Variants in CARS1 observed in about 807,000 individuals in gnomAD.
The protein encoded by CARS1 is cysteine--tRNA ligase, cytoplasmic.
In CARS1, 48 loss-of-function variants were observed where a neutral mutation model predicts 106.2. The observed-to-expected ratio is 0.45, with a 90% CI of 0.36 to 0.57. The LOEUF (loss-of-function observed/expected upper bound fraction) is 0.57. Among genes scored for constraint, CARS1 ranks in the 20% least tolerant of loss-of-function variants. CARS1 has a pLI of 0.00. For missense variants in CARS1, 968 were observed against 1,057.2 expected, an observed-to-expected ratio of 0.92 and a Z score of 1.17; for synonymous variants, 409 against 403.4, an observed-to-expected ratio of 1.01 and a Z score of -0.17.
Position 3,012,207 on chromosome 11 carries a change from G to A in CARS1, c.2056C>T (p.Arg686Ter), listed in dbSNP as rs769386228. The change falls in exon 18 of 23, where the codon CGA becomes TGA. Residue 686 changes from arginine (R) to a stop codon, truncating the protein, a stop_gained. Coordinates refer to ENST00000380525, the MANE Select transcript of CARS1 (RefSeq NM_001014437.3). LOFTEE classifies it high-confidence loss of function. ...AACTGGTCCTCACCTTTTTGCTCTCGGGCAATCTTCCGCACTCCTTCTCGG... is the reference window on the plus strand; with the variant it reads ...AACTGGTCCTCACCTTTTTGCTCTCAGGCAATCTTCCGCACTCCTTCTCGG... ...EFREGVRKIA[R>*]EQKVPEILQL... The A allele has an allele frequency of 3.7e-6, 6 of 1,614,004 alleles. No individual in the cohort carries two copies. Among genetic ancestry groups the A allele is most frequent in the Non-Finnish European group, 5.1e-6 (6 of 1,179,966 alleles).
rs111804631 is a variant in CARS1 at position 3,001,843 on chromosome 11, T to C, written c.2361+127A>G. On this transcript the variant is annotated intron_variant, in intron 22 of 22. Transcript: ENST00000380525. ...GGAGGCCCTGGACCTAAAGCGGGTG[T>C]CAGATTTGATTCCAAATTTTCTACA... The C allele has an allele frequency of 2.0e-3, 1,572 of 802,262 alleles. 15 individuals are homozygous for C. The African/African-American group carries it at 0.021, about 11-fold the overall frequency. The allele number at this position is 802,262 out of a possible 1,614,324, so 49.7% of individuals were successfully genotyped here.
chr11:3,011,864 G>A (rs1317853768), intron 18 of CARS1, among the ~76,000 whole-genome samples: 2 of 152,188 alleles, frequency 1.3e-5, no homozygotes, highest in African/African-American at 4.8e-5. Context: ...CTGGTCAGAG[G>A]ACCCACCATT....
Position 3,028,128 on chromosome 11 carries a change from GCC to G in CARS1, c.1031+866_1031+867del. On this transcript the variant is annotated intron_variant, in intron 9 of 22. Transcript: ENST00000380525. The surrounding 1 kb of genome is among the most constrained non-coding windows in gnomAD (Gnocchi z 4.4). ...ATATGCAGAAATAATGGCGTAAGCT[GCC>G]TCTCTCTGTCTCCTCTCTCTCTCTG... The G allele has an allele frequency of 3.3e-6, 1 of 306,016 alleles. No individual in the cohort carries two copies. Among genetic ancestry groups the G allele is most frequent in the Non-Finnish European group, 6.4e-6 (1 of 155,444 alleles). 19.0% of individuals were successfully genotyped at this position (306,016 alleles called of 1,614,324 possible). A position where few individuals can be genotyped will look rare whatever the true frequency, so the allele number is the denominator to read the frequency against.
intron 18 of CARS1, chr11:3,009,130 A>G (rs1278611938): frequency 6.6e-6 from 1 of 152,336 alleles, no homozygotes; most frequent in East Asian, 1.9e-4. Flanking sequence ...GGAGCAGACA[A>G]TGACATCATC....
Position 3,028,914 on chromosome 11 carries a change from A to G in CARS1, c.1031+82T>C, listed in dbSNP as rs1038164532. ...AGAACACCTGCTCCTCTGCTTCCCA[A>G]ACTCAGGCTCAGAGCTGGGGAGCTC... On this transcript the variant is annotated intron_variant, in intron 9 of 22. Coordinates refer to ENST00000380525, the MANE Select transcript of CARS1 (RefSeq NM_001014437.3). This position sits in a 1 kb window ranked among gnomAD's most constrained non-coding sequence, Gnocchi z 4.4. 2.7e-5 allele frequency: 26 copies of G among 970,780 alleles called. No homozygotes were observed. The highest frequency in any genetic ancestry group is 3.8e-5 in the Non-Finnish European group (23 of 607,674). 60.1% of individuals were successfully genotyped at this position (970,780 alleles called of 1,614,324 possible). A position where few individuals can be genotyped will look rare whatever the true frequency, so the allele number is the denominator to read the frequency against.
chr11:3,025,556 A>G (rs1851967644), intron 10 of CARS1, among the ~76,000 whole-genome samples: 1 of 152,240 alleles, frequency 6.6e-6, no homozygotes, highest in Non-Finnish European at 1.5e-5. Context: ...TTTAGAATAG[A>G]GCCTAAAATT....
chr11:3,032,962 G>C (rs893519847), intron 7 of CARS1, among the ~76,000 whole-genome samples: 1 of 151,730 alleles, frequency 6.6e-6, no homozygotes, highest in African/African-American at 2.4e-5. Context: ...TGGTGGGTGC[G>C]GATGCTGGGG....
intron 7 of CARS1, among the ~76,000 whole-genome samples, chr11:3,032,146 C>G (rs1159386708): frequency 1.3e-5 from 2 of 150,452 alleles, no homozygotes; most frequent in Non-Finnish European, 3.0e-5. Flanking sequence ...AATCTCAGCT[C>G]ACTGCAACCT....
Position 3,039,790 on chromosome 11 carries a change from A to G in CARS1, c.552+45T>C, listed in dbSNP as rs1854180385. 2.0e-6 allele frequency: 2 copies of G among 978,470 alleles called. No homozygotes were observed. The highest frequency in any genetic ancestry group is 3.1e-6 in the Non-Finnish European group (2 of 640,900). 60.6% of individuals were successfully genotyped at this position (978,470 alleles called of 1,614,324 possible). Reference sequence around the variant, plus strand: ...ATGCGAAAGTTCTATCTTCTTTTACACCATCCAATTGCATTTAAAATTTAA... The same window carrying G: ...ATGCGAAAGTTCTATCTTCTTTTACGCCATCCAATTGCATTTAAAATTTAA... On this transcript the variant is annotated intron_variant, in intron 5 of 22. Coordinates refer to ENST00000380525, the MANE Select transcript of CARS1 (RefSeq NM_001014437.3). This position sits in a 1 kb window ranked among gnomAD's most constrained non-coding sequence, Gnocchi z 5.6.
At chr11:3,015,161 T>G (rs1165728372) in intron 17 of CARS1, among the ~76,000 whole-genome samples, 1 of 151,900 alleles carries the variant, frequency 6.6e-6, no homozygotes, top group African/African-American at 2.4e-5. Flanking sequence ...ACTGCCAGGG[T>G]GTTCTGGATG....
In CARS1 at chr11:3,005,359, T is replaced by C; in HGVS notation, c.2217+7A>G. On this transcript the variant is annotated splice_region_variant and intron_variant, in intron 20 of 22. Transcript: ENST00000380525. Reference sequence around the variant, plus strand: ...TATCACGCTTAAGTCATTTTCACTTTACTCACCCGTCTCTTTTCTTCTCTC... The same window carrying C: ...TATCACGCTTAAGTCATTTTCACTTCACTCACCCGTCTCTTTTCTTCTCTC... The C allele has an allele frequency of 6.2e-7, 1 of 1,603,750 alleles. No homozygotes were observed.
At chr11:3,032,951 CT>C (rs1396442958) in intron 7 of CARS1, among the ~76,000 whole-genome samples, 1 of 151,624 alleles carries the variant, frequency 6.6e-6, no homozygotes, top group Non-Finnish European at 1.5e-5. Context: ...AACGTACCCC[CT>C]GGTGGGTGCG....
Position 3,002,041 on chromosome 11 carries a change from C to G in CARS1, c.2290G>C (p.Ala764Pro). Residue 764 changes from alanine to proline, a missense_variant, in exon 22 of 23, where the codon GCC becomes CCC. Physicochemically the swap from Ala to Pro is conservative, Grantham distance 27 (BLOSUM62 -1). Coordinates refer to ENST00000380525, the MANE Select transcript of CARS1 (RefSeq NM_001014437.3). Reference sequence around the variant, plus strand: ...TCACTGGGGGGAATCTTCATCTTGGCCAGCTTTGCTGCCTAGAACACGCAA... The same window carrying G: ...TCACTGGGGGGAATCTTCATCTTGGGCAGCTTTGCTGCCTAGAACACGCAA... ...RKQEQEAAKLAKMKIPPSEMF... is the reference protein window; with the variant it reads ...RKQEQEAAKLPKMKIPPSEMF... 1 of 1,613,286 alleles carries G rather than the reference C, an allele frequency of 6.2e-7. No homozygotes were observed. The highest frequency in any genetic ancestry group is 8.5e-7 in the Non-Finnish European group (1 of 1,179,410).
rs1472067793 is a variant in CARS1 at position 3,043,924 on chromosome 11, G to C, written c.275-1668C>G. 6.6e-6 allele frequency among the ~76,000 whole-genome samples: 1 copy of C among 152,166 alleles called. No homozygotes were observed. Among genetic ancestry groups the C allele is most frequent in the Non-Finnish European group, 1.5e-5 (1 of 68,022 alleles). ...AGGTGAGTTCCAGTGGTCACAGGTG[G>C]TCAGATTCTAAAGCGTAGGCAATCT... On this transcript the variant is annotated intron_variant, in intron 2 of 22. Transcript: ENST00000380525. The surrounding 1 kb of genome is among the most constrained non-coding windows in gnomAD (Gnocchi z 4.0).
In CARS1 at chr11:3,043,345, TGGTGACTTTCCC is replaced by T. The variant is rs1035956435; in HGVS notation, c.275-1101_275-1090del. ...AAAGCTAGGTGTGGAGGACGGTACCTGGTGACTTTCCCGTTGCCCTCAGCCGGCTCCTGCCTG... is the reference window on the plus strand; with the variant it reads ...AAAGCTAGGTGTGGAGGACGGTACCTGTTGCCCTCAGCCGGCTCCTGCCTG... On this transcript the variant is annotated intron_variant, in intron 2 of 22. Transcript: ENST00000380525. This position sits in a 1 kb window ranked among gnomAD's most constrained non-coding sequence, Gnocchi z 4.0. 3.9e-5 allele frequency among the ~76,000 whole-genome samples: 6 copies of T among 151,996 alleles called. No homozygotes were observed. The highest frequency in any genetic ancestry group is 7.4e-5 in the Non-Finnish European group (5 of 67,976).
At chr11:3,032,343 G>A (rs2134212573) in intron 7 of CARS1, among the ~76,000 whole-genome samples, 1 of 152,122 alleles carries the variant, frequency 6.6e-6, no homozygotes, top group Non-Finnish European at 1.5e-5. Context: ...AGTGCTGGGA[G>A]TTCAGGCGTG....
rs929770275 is a variant in CARS1 at position 3,012,128 on chromosome 11, G to A, written c.2068+67C>T. 6 of 1,402,916 alleles carry A rather than the reference G, an allele frequency of 4.3e-6. No homozygotes were observed. The Middle Eastern group carries it at 5.5e-4, about 127-fold the overall frequency. The allele number at this position is 1,402,916 out of a possible 1,614,324, so 86.9% of individuals were successfully genotyped here. ...CTGAACGCCATAGTGCCTCGGGGGA[G>A]ACGCCCGGTCCGGGGAGCCCAGTGA... On this transcript the variant is annotated intron_variant, in intron 18 of 22. Transcript: ENST00000380525.
chr11:3,005,685 T>G (rs778638368), intron 19 of CARS1, among the ~76,000 whole-genome samples: 33 of 145,992 alleles, frequency 2.3e-4, no homozygotes, highest in Non-Finnish European at 3.7e-4. Flanking sequence ...CAGGCTGGAG[T>G]GCAGTGGCAC....
chr11:3,003,344 G>GCT lies in CARS1; in HGVS notation c.2218-746_2218-745dup, dbSNP rs1374418986. Among the ~76,000 whole-genome samples the GCT allele has an allele frequency of 7.2e-5, 11 of 152,220 alleles. No individual in the cohort carries two copies. The highest frequency in any genetic ancestry group is 3.3e-4 in the Admixed American group (5 of 15,284). ...TTCAGATGCTTCCCAGCCCAGTGGAGCTATCAGGTAGGCACGCCCTCCATG... is the reference window on the plus strand; with the variant it reads ...TTCAGATGCTTCCCAGCCCAGTGGAGCTCTATCAGGTAGGCACGCCCTCCATG... On this transcript the variant is annotated intron_variant, in intron 20 of 22. Transcript: ENST00000380525. The surrounding 1 kb of genome is among the most constrained non-coding windows in gnomAD (Gnocchi z 4.8).
Sources: allele counts gnomAD v4.1 joint callset (sites outside exome capture counted in the v4.1 genomes callset), GRCh38; gene constraint gnomAD v4.1.1; non-coding constraint Gnocchi (gnomAD v3.1); transcripts MANE v1.5; gene names NCBI Gene and HGNC (gene_info 2026-07-23, HGNC 2026-07-21).